TCOF1: variants seen among roughly 807,000 people sequenced by gnomAD.
TCOF1 encodes treacle protein.
A neutral mutation model predicts 149.0 loss-of-function variants in TCOF1; 33 were observed. The ratio of observed to expected loss-of-function variants is 0.22; its 90% CI spans 0.17 to 0.30. The LOEUF (loss-of-function observed/expected upper bound fraction) is 0.30, where lower values mean the gene tolerates loss of function less well. TCOF1 is among the 10% of genes least tolerant of loss of function. The pLI is 1.00. For missense variants in TCOF1, 1,728 were observed against 1,840.7 expected (o/e 0.94, Z 1.12); for synonymous variants, 789 against 738.8 (o/e 1.07, Z -1.10).
chr5:150,360,598 A>T (rs1759824417), intron 1 of TCOF1, among the ~76,000 whole-genome samples: 1 of 152,184 alleles, frequency 6.6e-6, no homozygotes, highest in African/African-American at 2.4e-5. Context: ...AGCTTGGAAC[A>T]TTCCACCTCT....
At chr5:150,360,214 C>T (rs920568923) in intron 1 of TCOF1, among the ~76,000 whole-genome samples, 2 of 152,184 alleles carry the variant, frequency 1.3e-5, no homozygotes, top group South Asian at 2.1e-4. Flanking sequence ...AGTTCGAAGA[C>T]GTGACGAGAT....
chr5:150,391,787 G>A, intron 20 of TCOF1, 130 bp downstream of exon 20: 1 of 1,181,872 alleles, frequency 8.5e-7, no homozygotes, highest in Non-Finnish European at 1.2e-6. Flanking sequence ...GGCCTCAGTG[G>A]CCTAATCTGT....
In TCOF1 at chr5:150,379,368, A is replaced by T. The variant is rs1169974134; in HGVS notation, c.2618A>T (p.Glu873Val). ...GPEEDSGSSE[E>V]ESDSEEEAET... ...GAGGAGGACTCAGGGAGCAGTGAGGAGGAGTCAGACAGTGAGGAGGAGGCG... is the reference window on the plus strand; with the variant it reads ...GAGGAGGACTCAGGGAGCAGTGAGGTGGAGTCAGACAGTGAGGAGGAGGCG... The change falls in exon 16 of 27, where the codon GAG becomes GTG. Residue 873 changes from glutamate (E) to valine (V), a missense_variant. Physicochemically the swap from Glu to Val is moderately radical, Grantham distance 121. This residue lies in a region of TCOF1 where 1,696 missense variants were observed against 1,765.4 expected (regional missense o/e 0.96). Transcript: ENST00000643257. 3 of 1,613,938 alleles carry T rather than the reference A, an allele frequency of 1.9e-6. No individual in the cohort carries two copies. In the African/African-American group the frequency reaches 4.0e-5, roughly 22 times the overall value.
Position 150,375,341 on chromosome 5 carries a change from G to T in TCOF1, c.1491G>T (p.Val497=). 6.2e-7 allele frequency: 1 copy of T among 1,611,284 alleles called. No homozygotes were observed. The highest frequency in any genetic ancestry group is 8.5e-7 in the Non-Finnish European group (1 of 1,179,188). The change falls in exon 11 of 27, where the codon GTG becomes GTT. Residue 497 remains valine, a splice_region_variant and synonymous_variant. Coordinates refer to ENST00000643257, the MANE Select transcript of TCOF1 (RefSeq NM_001371623.1). ...ATCTTGTCCTTTGTGTCTCCCAGGT[G>T]AAGCCCTTGGGGAAAAGCCCCCAGG... ...EALAAMNAAQ[V]KPLGKSPQVK...
At chr5:150,358,972 T>C (rs146500058) in intron 1 of TCOF1, among the ~76,000 whole-genome samples, 134 of 148,496 alleles carry the variant, frequency 9.0e-4, no homozygotes, top group African/African-American at 3.3e-3. Flanking sequence ...AATTTGAGGA[T>C]ACAGTATGAG....
intron 3 of TCOF1, chr5:150,364,762 C>G (rs1020626018): frequency 6.2e-6 from 1 of 161,562 alleles, no homozygotes; most frequent in African/African-American, 2.4e-5. Context: ...GCCCCTTCTT[C>G]TCCTAAGGTC....
intron 25 of TCOF1, among the ~76,000 whole-genome samples, chr5:150,398,743 C>T (rs1253010261): frequency 6.6e-6 from 1 of 152,266 alleles, no homozygotes; most frequent in African/African-American, 2.4e-5. Context: ...GAAACGTTGC[C>T]TGGGCTGCGT....
intron 3 of TCOF1, among the ~76,000 whole-genome samples, chr5:150,367,129 C>A (rs1761534537): frequency 6.6e-6 from 1 of 151,906 alleles, no homozygotes; most frequent in African/African-American, 2.4e-5. Context: ...CACGGTGAAA[C>A]CCCGTCTCTA....
intron 3 of TCOF1, among the ~76,000 whole-genome samples, chr5:150,364,624 A>T (rs1760899593): frequency 6.6e-6 from 1 of 152,186 alleles, no homozygotes; most frequent in Non-Finnish European, 1.5e-5. Flanking sequence ...TTTCTGTGTG[A>T]CCTGTGGGAT....
At chr5:150,374,409 C>A (rs532708870) in intron 8 of TCOF1, 23 bp downstream of exon 8, 43 of 1,551,260 alleles carry the variant, frequency 2.8e-5, no homozygotes, top group Non-Finnish European at 1.7e-6. Flanking sequence ...GAGGGAGACT[C>A]CATGCAGCCA....
chr5:150,376,785 C>T (rs1249703548), intron 14 of TCOF1, among the ~76,000 whole-genome samples, 165 bp downstream of exon 14: 1 of 152,238 alleles, frequency 6.6e-6, no homozygotes, highest in Non-Finnish European at 1.5e-5. Context: ...CTCCTCTGCC[C>T]ATCAGAGCTC....
In TCOF1 at chr5:150,396,292, G is replaced by C. The variant is rs553984868; in HGVS notation, c.3795G>C (p.Glu1265Asp). The C allele has an allele frequency of 6.2e-7, 1 of 1,614,030 alleles. No homozygotes were observed. The highest frequency in any genetic ancestry group is 2.2e-5 in the East Asian group (1 of 44,880). Residue 1265 changes from glutamate (E) to aspartate (D), a missense_variant, in exon 24 of 27, where the codon GAG becomes GAC. By Grantham distance (45) the Glu-to-Asp change is conservative. Around this residue, in one of 2 missense-constraint regions of TCOF1, gnomAD observed 1,696 missense variants for 1,765.4 expected, o/e 0.96. Coordinates refer to ENST00000643257, the MANE Select transcript of TCOF1 (RefSeq NM_001371623.1). ...GMLSPKTGGK[E>D]AASGTTPQKS... ...ATTCTCTCTCCATAGGTGGAAAAGA[G>C]GCTGCTTCAGGCACCACACCTCAGA... is the stretch of plus-strand genomic sequence containing the variant.
chr5:150,360,868 C>G lies in TCOF1; in HGVS notation c.109-288C>G, dbSNP rs533287401. The stretch of plus-strand genomic sequence containing the variant: ...CCTCCCACCTCAGCCTCCTGAGTAG[C>G]CGGGACCACCAGTGCATGCCACCAT... On this transcript the variant is annotated intron_variant, in intron 1 of 26. Coordinates refer to ENST00000643257, the MANE Select transcript of TCOF1 (RefSeq NM_001371623.1). 2.0e-5 allele frequency among the ~76,000 whole-genome samples: 3 copies of G among 152,014 alleles called. No individual in the cohort carries two copies. In the East Asian group the frequency reaches 5.8e-4, roughly 29 times the overall value.
chr5:150,382,333 A>G (rs901655337), intron 17 of TCOF1, among the ~76,000 whole-genome samples: 2 of 151,732 alleles, frequency 1.3e-5, no homozygotes, highest in African/African-American at 4.8e-5. Context: ...TGAGGGTTCT[A>G]TTAGCAAGGA....
chr5:150,379,318 A>G lies in TCOF1; in HGVS notation c.2568A>G (p.Thr856=), dbSNP rs747919784. ...CATCTGTGGGGAAGGCCGTGGCTAC[A>G]GCAGCTCAGGCCCAGACAGGGCCAG... The part of the protein sequence containing the change: ...SVPSVGKAVA[T]AAQAQTGPEE... The change falls in exon 16 of 27, where the codon ACA becomes ACG. Residue 856 remains threonine (T), a synonymous_variant. Transcript: ENST00000643257. The G allele has an allele frequency of 1.2e-6, 2 of 1,614,236 alleles. No individual in the cohort carries two copies. The highest frequency in any genetic ancestry group is 1.7e-6 in the Non-Finnish European group (2 of 1,180,042).
At chr5:150,379,454 CCT>C in intron 16 of TCOF1, 46 bp downstream of exon 16, 1 of 1,614,072 alleles carries the variant, frequency 6.2e-7, no homozygotes. Flanking sequence ...GGATGTAACA[CCT>C]TTGCCACATC....
intron 23 of TCOF1, among the ~76,000 whole-genome samples, chr5:150,395,604 T>G (rs1362802915): frequency 2.6e-5 from 4 of 151,850 alleles, no homozygotes; most frequent in African/African-American, 9.7e-5. Flanking sequence ...TGGAAAATTC[T>G]AAACAAAGGC....
Position 150,374,696 on chromosome 5 carries a change from C to T in TCOF1, c.1163C>T (p.Pro388Leu). 1 of 1,613,762 alleles carries T rather than the reference C, an allele frequency of 6.2e-7. No individual in the cohort carries two copies. Among genetic ancestry groups the T allele is most frequent in the Non-Finnish European group, 8.5e-7 (1 of 1,179,954 alleles). Residue 388 changes from proline to leucine, a missense_variant, in exon 9 of 27, where the codon CCA (proline) becomes CTA (leucine). Around this residue, in one of 2 missense-constraint regions of TCOF1, gnomAD observed 1,696 missense variants for 1,765.4 expected, o/e 0.96. Coordinates refer to ENST00000643257, the MANE Select transcript of TCOF1 (RefSeq NM_001371623.1). ...AKESPRKGAA[P>L]APPGKTGPAV... The stretch of plus-strand genomic sequence containing the variant: ...GAGTCCCCCAGGAAAGGAGCTGCCC[C>T]AGCGCCCCCTGGGAAGACAGGGCCT...
In TCOF1 at chr5:150,376,164, T is replaced by A. The variant is rs762823322; in HGVS notation, c.1976T>A (p.Val659Glu). The A allele has an allele frequency of 2.5e-6, 4 of 1,614,222 alleles. No individual in the cohort carries two copies. The South Asian group carries it at 4.4e-5, about 18-fold the overall frequency. The stretch of plus-strand genomic sequence containing the variant: ...ACTGCATCTGCCAAGGTCGCCCCTG[T>A]GCGAGTGGGCACCCAAGCCCCCCGG... ...NTTASAKVAP[V>E]RVGTQAPRKA... The change falls in exon 13 of 27, where the codon GTG (valine) becomes GAG (glutamate). Residue 659 changes from valine to glutamate, a missense_variant. Physicochemically the swap from Val to Glu is moderately radical, Grantham distance 121 (BLOSUM62 -2). This residue lies in a region of TCOF1 where 1,696 missense variants were observed against 1,765.4 expected (regional missense o/e 0.96). Transcript: ENST00000643257.
Sources: gnomAD v4.1 joint callset for allele counts (sites outside exome capture counted in the v4.1 genomes callset) on GRCh38, gnomAD v4.1.1 for gene constraint, gnomAD v4.1.1 regional missense constraint, MANE v1.5 for transcripts, NCBI Gene and HGNC (gene_info 2026-07-23, HGNC 2026-07-21) for gene names.